The following EPHX3 variants were observed in gnomAD, a reference collection of about 807,000 sequenced individuals.
EPHX3 encodes epoxide hydrolase 3, also known as abhydrolase domain containing 9.
EPHX3 carries 39 observed loss-of-function variants against 40.2 expected under a neutral mutation model. The observed-to-expected ratio is 0.97, with a 90% CI of 0.75 to 1.27. EPHX3 has a LOEUF of 1.27. EPHX3 is among the 50% of genes most tolerant of loss of function. The pLI, the probability that EPHX3 is intolerant of heterozygous loss-of-function variation, is 0.00. For missense variants in EPHX3, 442 were observed against 474.0 expected (o/e 0.93, Z 0.63); for synonymous variants, 213 against 209.7 (o/e 1.02, Z -0.14).
chr19:15,233,099 G>C (rs1438049122), upstream of EPHX3: 1 of 149,990 alleles, frequency 6.7e-6, no homozygotes, highest in East Asian at 2.0e-4. Context: ...CCTAACATTG[G>C]GCGAAGAAGG....
chr19:15,232,539 C>G, upstream of EPHX3: 1 of 824,066 alleles, frequency 1.2e-6, no homozygotes, highest in Non-Finnish European at 1.6e-6. Flanking sequence ...AGGGCCGGGG[C>G]GGGGCCCAGG....
intron 2 of EPHX3, 49 bp from the exon 3 acceptor site, chr19:15,231,445 A>G (rs1034218949): frequency 1.3e-6 from 2 of 1,594,816 alleles, no homozygotes; most frequent in Non-Finnish European, 1.7e-6. Flanking sequence ...CTCAGGTTGC[A>G]CCTGCACCCT....
upstream of EPHX3, among the ~76,000 whole-genome samples, chr19:15,234,708 TCCA>T (rs1475799863): frequency 2.0e-5 from 3 of 152,164 alleles, no homozygotes; most frequent in Non-Finnish European, 4.4e-5. Flanking sequence ...TTAAAAACAC[TCCA>T]CTTGTCACCT....
chr19:15,235,608 CGAA>C (rs1200996684), upstream of EPHX3: 1 of 151,664 alleles, frequency 6.6e-6, no homozygotes, highest in Non-Finnish European at 1.5e-5. Flanking sequence ...GAAAAGTCTA[CGAA>C]TTCCCTTCTA....
intron 2 of EPHX3, 77 bp from the exon 3 acceptor site, chr19:15,231,473 T>C (rs2047153948): frequency 2.5e-5 from 38 of 1,521,664 alleles, no homozygotes; most frequent in Non-Finnish European, 3.2e-5. Context: ...TCAGCAACCA[T>C]TGGCAAACCC....
intron 4 of EPHX3, 140 bp from the exon 5 acceptor site, chr19:15,228,240 A>G: frequency 1.5e-6 from 1 of 668,020 alleles, no homozygotes; most frequent in Non-Finnish European, 2.6e-6. Flanking sequence ...TGAAGGTACT[A>G]GATACCCCTC....
At chr19:15,231,492 G>T (rs1261455561) in intron 2 of EPHX3, 96 bp from the exon 3 acceptor site, 4 of 1,437,774 alleles carry the variant, frequency 2.8e-6, no homozygotes, top group Admixed American at 2.2e-5. Flanking sequence ...CCTCCTTCCT[G>T]CTCTAAACTT....
chr19:15,232,005 GT>G lies in EPHX3; in HGVS notation c.206del (p.Asp69AlafsTer10), dbSNP rs767721881. ...RRSASPACLS[D>X]PSLGEHGFLN... ...GGAAACCGTGCTCACCCAGCGAGGGGTCGCTCAGGCAGGCGGGGGACGCGCT... is the reference window on the plus strand; with the variant it reads ...GGAAACCGTGCTCACCCAGCGAGGGGCGCTCAGGCAGGCGGGGGACGCGCT... On this transcript the variant is annotated frameshift_variant, in exon 1 of 7. Coordinates refer to ENST00000221730, the MANE Select transcript of EPHX3 (RefSeq NM_024794.3). LOFTEE classifies it high-confidence loss of function. 6.2e-7 allele frequency: 1 copy of G among 1,606,844 alleles called. No individual in the cohort carries two copies. Among genetic ancestry groups the G allele is most frequent in the Non-Finnish European group, 8.5e-7 (1 of 1,179,232 alleles).
In EPHX3 at chr19:15,230,167, T is replaced by G. The variant is rs576738594; in HGVS notation, c.616+795A>C. On this transcript the variant is annotated intron_variant, in intron 4 of 6. Transcript: ENST00000221730. The stretch of plus-strand genomic sequence containing the variant: ...TTACTCCTAAGTGTATTGTGATTTA[T>G]TTTATTTTATTTTATTTTTGAGACA... Among the ~76,000 whole-genome samples the G allele has an allele frequency of 2.0e-5, 3 of 152,054 alleles. No individual in the cohort carries two copies. The South Asian group carries it at 6.2e-4, about 32-fold the overall frequency.
intron 4 of EPHX3, among the ~76,000 whole-genome samples, chr19:15,229,885 CAAAAAAAAAA>C (rs546876108): frequency 0.073 from 687 of 9,368 alleles, 18 homozygotes; most frequent in African/African-American, 0.23. Flanking sequence ...GACTCTGTCT[CAAAAAAAAAA>C]AAAAAAAAAA....
chr19:15,232,202 G>T lies in EPHX3; in HGVS notation c.10C>A (p.Leu4Met), dbSNP rs1244535861. Reference protein sequence around the residue: MPELVVTALLAPSR... With the variant: MPEMVVTALLAPSR... ...GGCGCCAGCAGCGCGGTCACCACCAGCTCCGGCATGTCGCCGCGCTCCGGG... is the reference window on the plus strand; with the variant it reads ...GGCGCCAGCAGCGCGGTCACCACCATCTCCGGCATGTCGCCGCGCTCCGGG... Residue 4 changes from leucine to methionine, a missense_variant, in exon 1 of 7, where the codon CTG (leucine) becomes ATG (methionine). By Grantham distance (15) the Leu-to-Met change is conservative. Coordinates refer to ENST00000221730, the MANE Select transcript of EPHX3 (RefSeq NM_024794.3). 6.6e-7 allele frequency: 1 copy of T among 1,508,634 alleles called. No individual in the cohort carries two copies. The highest frequency in any genetic ancestry group is 8.8e-7 in the Non-Finnish European group (1 of 1,137,334). 93.5% of individuals were successfully genotyped at this position (1,508,634 alleles called of 1,614,324 possible). A position where few individuals can be genotyped will look rare whatever the true frequency, so the allele number is the denominator to read the frequency against.
chr19:15,236,421 G>GTTCAT, upstream of EPHX3: 1 of 151,856 alleles, frequency 6.6e-6, no homozygotes, highest in Non-Finnish European at 1.5e-5. Context: ...AGAGTATCTG[G>GTTCAT]TTAACCCTGA....
chr19:15,233,426 A>C (rs2047168909), upstream of EPHX3: 4 of 152,324 alleles, frequency 2.6e-5, no homozygotes, highest in Admixed American at 6.5e-5. Flanking sequence ...CTGTGGTTCC[A>C]ACGGCGGGTC....
Position 15,232,376 on chromosome 19 carries a change from A to C in EPHX3, c.-165T>G, listed in dbSNP as rs1210455335. On this transcript the variant is annotated 5_prime_UTR_variant, in exon 1 of 7. Coordinates refer to ENST00000221730, the MANE Select transcript of EPHX3 (RefSeq NM_024794.3). Reference sequence around the variant, plus strand: ...GGAAGAGGCGGGCGGCTCCGACAGAAAACAGCCAGAGCGCACCACTCACCT... The same window carrying C: ...GGAAGAGGCGGGCGGCTCCGACAGACAACAGCCAGAGCGCACCACTCACCT... 5.8e-6 allele frequency: 8 copies of C among 1,376,244 alleles called. No individual in the cohort carries two copies. The highest frequency in any genetic ancestry group is 7.4e-6 in the Non-Finnish European group (8 of 1,074,310). The allele number at this position is 1,376,244 out of a possible 1,614,324, so 85.3% of individuals were successfully genotyped here. A position where few individuals can be genotyped will look rare whatever the true frequency, so the allele number is the denominator to read the frequency against.
rs1326126976 is a variant in EPHX3 at position 15,231,973 on chromosome 19, A to G, written c.239T>C (p.Leu80Pro). The G allele has an allele frequency of 3.7e-6, 6 of 1,611,602 alleles. No individual in the cohort carries two copies. Among genetic ancestry groups the G allele is most frequent in the Non-Finnish European group, 5.1e-6 (6 of 1,179,806 alleles). The change falls in exon 1 of 7, where the codon CTC becomes CCC. Residue 80 changes from leucine (L) to proline (P), a missense_variant. By Grantham distance (98) the Leu-to-Pro change is moderately conservative. Transcript: ENST00000221730. ...ATAGCGCCCCCGTGCGATCACCTTG[A>G]GGTTCAGGAAACCGTGCTCACCCAG... ...PSLGEHGFLN[L>P]KSSGLRLHYV...
At chr19:15,228,988 C>T (rs987674551) in intron 4 of EPHX3, among the ~76,000 whole-genome samples, 1 of 151,214 alleles carries the variant, frequency 6.6e-6, no homozygotes, top group Non-Finnish European at 1.5e-5. Context: ...AAGACTGTCT[C>T]AAAGGAAAAA....
chr19:15,232,104 C>G lies in EPHX3; in HGVS notation c.108G>C (p.Ala36=), dbSNP rs1243920244. ...TGAGCGCTATGCAGCCGTAGACCGC[C>G]GCGGCCACCAGCGCCACCGAGAACA... The part of the protein sequence containing the change: ...SLVFSVALVA[A]AVYGCIALTH... Residue 36 remains alanine, a synonymous_variant, in exon 1 of 7, where the codon GCG becomes GCC. Coordinates refer to ENST00000221730, the MANE Select transcript of EPHX3 (RefSeq NM_024794.3). The G allele has an allele frequency of 6.7e-7, 1 of 1,500,202 alleles. No homozygotes were observed. Among genetic ancestry groups the G allele is most frequent in the Non-Finnish European group, 8.8e-7 (1 of 1,131,494 alleles). The allele number at this position is 1,500,202 out of a possible 1,614,324, so 92.9% of individuals were successfully genotyped here.
chr19:15,228,538 A>G (rs2047130263), intron 4 of EPHX3, among the ~76,000 whole-genome samples: 1 of 67,648 alleles, frequency 1.5e-5, no homozygotes, highest in South Asian at 5.1e-4. Context: ...TTTTTTTTTG[A>G]GACAGAGTCT....
Position 15,231,681 on chromosome 19 carries a change from C to G in EPHX3, c.329+95G>C, listed in dbSNP as rs1002650754. On this transcript the variant is annotated intron_variant, in intron 2 of 6. Transcript: ENST00000221730. ...CTATCCCCATCTATGTTCAGCTTGT[C>G]CCGATCTATACAGCCCTCCTCCCTG... The G allele has an allele frequency of 1.3e-5, 17 of 1,322,966 alleles. No individual in the cohort carries two copies. The Admixed American group carries it at 2.9e-4, about 23-fold the overall frequency. The allele number at this position is 1,322,966 out of a possible 1,614,324, so 82.0% of individuals were successfully genotyped here.
Sources: gnomAD v4.1 joint callset for allele counts (sites outside exome capture counted in the v4.1 genomes callset) on GRCh38, gnomAD v4.1.1 for gene constraint, MANE v1.5 for transcripts, NCBI Gene and HGNC (gene_info 2026-07-23, HGNC 2026-07-21) for gene names.